Variants in GNAQ observed in about 807,000 individuals in gnomAD.
GNAQ encodes G protein subunit alpha q.
A neutral mutation model predicts 43.9 loss-of-function variants in GNAQ; 8 were observed. The observed-to-expected ratio is 0.18, with a 90% CI of 0.11 to 0.33. The LOEUF (loss-of-function observed/expected upper bound fraction) is 0.33. Among genes scored for constraint, GNAQ ranks in the 10% least tolerant of loss-of-function variants. The pLI is 1.00. For synonymous variants in GNAQ, 155 were observed against 170.7 expected (o/e 0.91, Z 0.71); for missense variants, 158 against 450.8 (o/e 0.35, Z 5.88).
intron 2 of GNAQ, among the ~76,000 whole-genome samples, chr9:77,826,997 T>C (rs1416246780): frequency 6.6e-6 from 1 of 152,228 alleles, no homozygotes; most frequent in Non-Finnish European, 1.5e-5. Context: ...CTATCAGTTT[T>C]ATATCTTAAG....
intron 1 of GNAQ, among the ~76,000 whole-genome samples, chr9:78,006,202 T>C (rs1248479381): frequency 6.6e-6 from 1 of 152,158 alleles, no homozygotes; most frequent in Admixed American, 6.5e-5. Context: ...TACATGCAAT[T>C]TGTTCTAATC....
chr9:77,878,764 G>A (rs1310519126), intron 2 of GNAQ, among the ~76,000 whole-genome samples: 1 of 152,088 alleles, frequency 6.6e-6, no homozygotes, highest in Non-Finnish European at 1.5e-5. Context: ...TGAAGAAAAT[G>A]GCCAGGCAGG....
At chr9:77,858,898 C>A (rs568143393) in intron 2 of GNAQ, among the ~76,000 whole-genome samples, 1 of 152,110 alleles carries the variant, frequency 6.6e-6, no homozygotes, top group South Asian at 2.1e-4. Flanking sequence ...CTGAAGGCAC[C>A]TCACCTCAAC....
chr9:77,781,561 G>A (rs933856011), intron 5 of GNAQ, among the ~76,000 whole-genome samples: 1 of 152,022 alleles, frequency 6.6e-6, no homozygotes, highest in Admixed American at 6.6e-5. Context: ...AAGTCATTCC[G>A]AGAAAGCTAC....
chr9:77,727,225 C>T lies in GNAQ; in HGVS notation c.889+1289G>A, dbSNP rs74621594. Reference sequence around the variant, plus strand: ...ATAGATAGAGGTCTCGTTACATTGCCCAGGCTGGGCTTGAACTCCTGTGCT... The same window carrying T: ...ATAGATAGAGGTCTCGTTACATTGCTCAGGCTGGGCTTGAACTCCTGTGCT... On this transcript the variant is annotated intron_variant, in intron 6 of 6. Coordinates refer to ENST00000286548, the MANE Select transcript of GNAQ (RefSeq NM_002072.5). Among the ~76,000 whole-genome samples, 386 of 152,096 alleles carry T rather than the reference C, an allele frequency of 2.5e-3. 10 individuals carry two copies. In the East Asian group the frequency reaches 0.058, roughly 23 times the overall value.
At chr9:77,778,724 A>C (rs576742969) in intron 5 of GNAQ, among the ~76,000 whole-genome samples, 1 of 152,014 alleles carries the variant, frequency 6.6e-6, no homozygotes, top group East Asian at 1.9e-4. Flanking sequence ...AGAATAAAAA[A>C]CAAATGAATG....
At chr9:77,780,952 A>AT (rs35437600) in intron 5 of GNAQ, among the ~76,000 whole-genome samples, 57 of 130,456 alleles carry the variant, frequency 4.4e-4, no homozygotes, top group Middle Eastern at 4.1e-3. Flanking sequence ...TATTAATTGG[A>AT]TTTTTTTTTT....
intron 1 of GNAQ, among the ~76,000 whole-genome samples, chr9:77,927,780 T>C (rs1407067914): frequency 6.6e-6 from 1 of 152,124 alleles, no homozygotes. Flanking sequence ...GGAGATATTG[T>C]CAAACTATCA....
chr9:77,874,109 A>AAAAACAAAAAC (rs1554722280), intron 2 of GNAQ, among the ~76,000 whole-genome samples: 5 of 148,180 alleles, frequency 3.4e-5, no homozygotes, highest in African/African-American at 1.3e-4. Context: ...CATCTCAAAA[A>AAAAACAAAAAC]AAAAAAACAA....
chr9:77,954,477 T>C (rs1823019037), intron 1 of GNAQ, among the ~76,000 whole-genome samples: 1 of 152,168 alleles, frequency 6.6e-6, no homozygotes, highest in Non-Finnish European at 1.5e-5. Context: ...TGATGCTTGA[T>C]AAAACAGGAG....
At chr9:77,932,559 C>T (rs1026042047) in intron 1 of GNAQ, among the ~76,000 whole-genome samples, 2 of 152,080 alleles carry the variant, frequency 1.3e-5, no homozygotes, top group Non-Finnish European at 2.9e-5. Context: ...GCATTCCAAG[C>T]AGTTGACCAG....
chr9:78,027,083 C>T (rs1391159729), intron 1 of GNAQ, among the ~76,000 whole-genome samples: 2 of 152,138 alleles, frequency 1.3e-5, no homozygotes, highest in Non-Finnish European at 2.9e-5. Flanking sequence ...AACTTTCATA[C>T]TTTAAGCATG....
At chr9:77,769,125 G>A (rs912284945) in intron 5 of GNAQ, among the ~76,000 whole-genome samples, 4 of 152,118 alleles carry the variant, frequency 2.6e-5, no homozygotes, top group Admixed American at 1.3e-4. Flanking sequence ...AATCGGCCTG[G>A]TGCGGTGACT....
intron 1 of GNAQ, among the ~76,000 whole-genome samples, chr9:77,936,937 T>A (rs1256947566): frequency 6.6e-5 from 10 of 152,230 alleles, no homozygotes; most frequent in Admixed American, 6.5e-4. Context: ...AATATAGAGG[T>A]GGGAAAATTT....
chr9:78,002,027 A>G (rs559764479), intron 1 of GNAQ, among the ~76,000 whole-genome samples: 79 of 152,220 alleles, frequency 5.2e-4, no homozygotes, highest in Non-Finnish European at 1.0e-3. Context: ...ATTTATCCAG[A>G]AGATAAAGAT....
chr9:77,929,997 A>G (rs1230157432), intron 1 of GNAQ, among the ~76,000 whole-genome samples: 1 of 152,216 alleles, frequency 6.6e-6, no homozygotes, highest in East Asian at 1.9e-4. Context: ...TTACCCTGTC[A>G]TAACACATTT....
chr9:77,775,171 C>T (rs1255777603), intron 5 of GNAQ, among the ~76,000 whole-genome samples: 6 of 152,136 alleles, frequency 3.9e-5, no homozygotes, highest in Admixed American at 2.6e-4. Context: ...ATTTGTTAAT[C>T]GATTTCCTAC....
chr9:77,843,740 C>T (rs1334051052), intron 2 of GNAQ, among the ~76,000 whole-genome samples: 2 of 152,152 alleles, frequency 1.3e-5, no homozygotes, highest in Non-Finnish European at 2.9e-5. Flanking sequence ...AACACACAAA[C>T]ATGGGGATGT....
intron 1 of GNAQ, among the ~76,000 whole-genome samples, chr9:78,025,555 T>C (rs1823967153): frequency 1.3e-5 from 2 of 152,346 alleles, no homozygotes; most frequent in South Asian, 4.1e-4. Context: ...AAAATGTGAC[T>C]GCCTCCCGTT....
Sources: gnomAD v4.1 joint callset for allele counts (sites outside exome capture counted in the v4.1 genomes callset) on GRCh38, gnomAD v4.1.1 for gene constraint, MANE v1.5 for transcripts, NCBI Gene and HGNC (gene_info 2026-07-23, HGNC 2026-07-21) for gene names.